STAB1: variants seen among roughly 807,000 people sequenced by gnomAD.
STAB1 encodes the protein stabilin 1.
STAB1 carries 250 observed loss-of-function variants against 332.4 expected under a neutral mutation model. That is an observed-to-expected ratio of 0.75 (90% CI 0.68 to 0.84). The LOEUF is 0.84. Among genes scored for constraint, STAB1 ranks in the 40% least tolerant of loss-of-function variants. The pLI is 0.00. For synonymous variants in STAB1, 1,475 were observed against 1,390.4 expected (o/e 1.06, Z -1.35); for missense variants, 3,249 against 3,489.7 (o/e 0.93, Z 1.74).
In STAB1 at chr3:52,516,495, G is replaced by A. The variant is rs78572683; in HGVS notation, c.4240+44G>A. ...GGAGGGGGCAGGTGGCTACTGAGGA[G>A]GCTGTTCCTGGGTCTGAATGACCAG... On this transcript the variant is annotated intron_variant, in intron 39 of 68. Transcript: ENST00000321725. 3.0e-4 allele frequency: 484 copies of A among 1,613,494 alleles called. 3 individuals are homozygous for A. The African/African-American group carries it at 5.9e-3, about 20-fold the overall frequency.
At chr3:52,511,772 T>C in intron 26 of STAB1, 27 bp downstream of exon 26, 1 of 1,536,278 alleles carries the variant, frequency 6.5e-7, no homozygotes, top group Non-Finnish European at 8.8e-7. Flanking sequence ...CTCAGAGCCC[T>C]GGGGAAGCTT....
chr3:52,522,284 C>T (rs746926971), intron 59 of STAB1, 46 bp from the exon 60 acceptor site: 28 of 1,611,436 alleles, frequency 1.7e-5, no homozygotes, highest in South Asian at 3.3e-5. Flanking sequence ...GCAGAACTTC[C>T]GACCTCTGAA....
chr3:52,517,161 A>C (rs937745643), intron 42 of STAB1, 52 bp downstream of exon 42: 1 of 1,505,388 alleles, frequency 6.6e-7, no homozygotes, highest in East Asian at 2.3e-5. Context: ...GTCTGGCTTC[A>C]GTGATCTGAG....
chr3:52,501,417 T>C, intron 2 of STAB1, 115 bp downstream of exon 2: 1 of 1,489,514 alleles, frequency 6.7e-7, no homozygotes, highest in Non-Finnish European at 9.1e-7. Flanking sequence ...TCCATGCCCC[T>C]GTGGCCCCAC....
At position 52,508,299 on chromosome 3, in the gene STAB1, C is replaced by A; in HGVS notation, c.2175C>A (p.Phe725Leu). ...AACAAGGCTGCTGCAAAGGTTTTTT[C>A]GGGCCTGACTGCACGCAGTGTCCTG... ...IMEQGCCKGF[F>L]GPDCTQCPGG... The change falls in exon 21 of 69, where the codon TTC (phenylalanine) becomes TTA (leucine). Residue 725 changes from phenylalanine (F) to leucine (L), a missense_variant. Phe to Leu is a conservative substitution (Grantham distance 22, BLOSUM62 0). Coordinates refer to ENST00000321725, the MANE Select transcript of STAB1 (RefSeq NM_015136.3). The A allele has an allele frequency of 6.2e-7, 1 of 1,612,792 alleles. No individual in the cohort carries two copies. Among genetic ancestry groups the A allele is most frequent in the Non-Finnish European group, 8.5e-7 (1 of 1,179,416 alleles).
chr3:52,521,514 G>A lies in STAB1; in HGVS notation c.6058+4G>A. ...GCCTTTGGGCCCCATTGTCAAGGTG[G>A]GCCATCCCTGCCTGCCCCACGGCCC... On this transcript the variant is annotated splice_donor_region_variant and intron_variant, in intron 56 of 68. Coordinates refer to ENST00000321725, the MANE Select transcript of STAB1 (RefSeq NM_015136.3). 12 of 1,613,936 alleles carry A rather than the reference G, an allele frequency of 7.4e-6. No individual in the cohort carries two copies. The highest frequency in any genetic ancestry group is 1.0e-5 in the Non-Finnish European group (12 of 1,180,018).
chr3:52,500,454 G>A (rs1054630610), intron 1 of STAB1, among the ~76,000 whole-genome samples: 1 of 152,244 alleles, frequency 6.6e-6, no homozygotes, highest in Non-Finnish European at 1.5e-5. Context: ...GCTCACGTGA[G>A]CCCAGCCTCT....
At position 52,522,137 on chromosome 3, in the gene STAB1, G is replaced by A. The variant is rs2079093645; in HGVS notation, c.6372G>A (p.Glu2124=). ...CTTGTACCTGCCTGCCCGACTACGA[G>A]GGTGATGGCTGGAGCTGCCGGGCCC... ...MVTCTCLPDY[E]GDGWSCRARN... The change falls in exon 59 of 69, where the codon GAG becomes GAA. Residue 2124 remains glutamate, a synonymous_variant. Transcript: ENST00000321725. 2 of 1,612,912 alleles carry A rather than the reference G, an allele frequency of 1.2e-6. No individual in the cohort carries two copies. The highest frequency in any genetic ancestry group is 1.3e-5 in the African/African-American group (1 of 74,916).
chr3:52,522,754 T>C, intron 61 of STAB1, 21 bp from the exon 62 acceptor site: 1 of 1,612,742 alleles, frequency 6.2e-7, no homozygotes. Flanking sequence ...TGGGTCTTAG[T>C]ATCCCCTCCT....
rs148929708 is a variant in STAB1 at position 52,512,608 on chromosome 3, A to G, written c.2992A>G (p.Asn998Asp). The G allele has an allele frequency of 3.4e-4, 546 of 1,613,806 alleles. 4 individuals carry two copies. The Middle Eastern group carries it at 6.9e-3, about 20-fold the overall frequency. The change falls in exon 28 of 69, where the codon AAT (asparagine) becomes GAT (aspartate). Residue 998 changes from asparagine to aspartate, a missense_variant. Coordinates refer to ENST00000321725, the MANE Select transcript of STAB1 (RefSeq NM_015136.3). ...TCCCTTCCCTTAGGAGCTGGAGGCAAATGCCCACTTCTCCATCTTCTACCA... is the reference window on the plus strand; with the variant it reads ...TCCCTTCCCTTAGGAGCTGGAGGCAGATGCCCACTTCTCCATCTTCTACCA... ...YGDIFRELEA[N>D]AHFSIFYQWL...
chr3:52,503,703 G>C, intron 8 of STAB1, 69 bp from the exon 9 acceptor site: 1 of 1,602,090 alleles, frequency 6.2e-7, no homozygotes, highest in Admixed American at 1.7e-5. Context: ...AGGGCTCTAT[G>C]GGTAGGGCAG....
intron 22 of STAB1, 91 bp from the exon 23 acceptor site, chr3:52,509,779 C>A: frequency 7.0e-7 from 1 of 1,421,124 alleles, no homozygotes. Flanking sequence ...TACTGGCTGC[C>A]CCACTCCCTA....
chr3:52,516,414 C>A lies in STAB1; in HGVS notation c.4203C>A (p.Val1401=). ...GGCTGCAAGGGGACGGAAGCTGTGT[C>A]TGTAACGTGGGCTGGCAGGGCCTCC... ...QEGLQGDGSC[V]CNVGWQGLRC... Residue 1401 remains valine (V), a synonymous_variant, in exon 39 of 69, where the codon GTC becomes GTA. Transcript: ENST00000321725. 3.1e-6 allele frequency: 5 copies of A among 1,611,792 alleles called. No homozygotes were observed. The South Asian group carries it at 4.4e-5, about 14-fold the overall frequency.
chr3:52,519,897 G>A, intron 50 of STAB1, 47 bp from the exon 51 acceptor site: 1 of 1,529,248 alleles, frequency 6.5e-7, no homozygotes, highest in Non-Finnish European at 8.8e-7. Context: ...TTGCTAACTA[G>A]TCTCTGACTG....
At chr3:52,515,562 G>T in intron 37 of STAB1, 56 bp downstream of exon 37, 2 of 1,592,128 alleles carry the variant, frequency 1.3e-6, no homozygotes, top group Non-Finnish European at 8.6e-7. Context: ...GTGGGAGTGG[G>T]TGGGGGCCCA....
At chr3:52,515,605 G>A in intron 37 of STAB1, 99 bp downstream of exon 37, 1 of 1,300,852 alleles carries the variant, frequency 7.7e-7, no homozygotes, top group Middle Eastern at 2.0e-4. Context: ...TAAGGACAGA[G>A]ACTGGGCTGG....
In STAB1 at chr3:52,505,900, G is replaced by A. The variant is rs1272848218; in HGVS notation, c.1713G>A (p.Gln571=). 6.2e-7 allele frequency: 1 copy of A among 1,613,972 alleles called. No individual in the cohort carries two copies. The highest frequency in any genetic ancestry group is 1.7e-5 in the Admixed American group (1 of 60,030). ...YLFTAGLSKL[Q]ELVRYHIYNH... is the part of the protein sequence containing the mutation. ...CCTGCCAGGGTCTCTCTAAACTGCA[G>A]GAGTTGGTGCGGTACCACATCTACA... Residue 571 remains glutamine (Q), a synonymous_variant, in exon 16 of 69, where the codon CAG becomes CAA. Transcript: ENST00000321725.
Position 52,518,729 on chromosome 3 carries a change from C to A in STAB1, c.4894C>A (p.Leu1632Met). The change falls in exon 48 of 69, where the codon CTG (leucine) becomes ATG (methionine). Residue 1632 changes from leucine to methionine, a missense_variant. Leu to Met is a conservative substitution (Grantham distance 15, BLOSUM62 2). Coordinates refer to ENST00000321725, the MANE Select transcript of STAB1 (RefSeq NM_015136.3). ...CCTCGCGACTCTGCTCCAGGATGAG[C>A]TGGCCCGGATTCGTGCGCATCGCCA... ...DLMSNLSQDE[L>M]ARIRAHRQLV... 1 of 1,612,512 alleles carries A rather than the reference C, an allele frequency of 6.2e-7. No homozygotes were observed. The highest frequency in any genetic ancestry group is 8.5e-7 in the Non-Finnish European group (1 of 1,179,750).
At chr3:52,522,992 A>G in intron 62 of STAB1, 33 bp from the exon 63 acceptor site, 1 of 1,594,630 alleles carries the variant, frequency 6.3e-7, no homozygotes, top group Non-Finnish European at 8.6e-7. Flanking sequence ...CTTCCCACCA[A>G]TCTGCTGAGC....
Sources: allele counts gnomAD v4.1 joint callset (sites outside exome capture counted in the v4.1 genomes callset), GRCh38; gene constraint gnomAD v4.1.1; transcripts MANE v1.5; gene names NCBI Gene and HGNC (gene_info 2026-07-23, HGNC 2026-07-21).